The following SOX5 variants were observed in gnomAD, a reference collection of about 807,000 sequenced individuals.
The protein encoded by SOX5 is SRY-box transcription factor 5, also known as transcription factor SOX-5.
SOX5 carries 9 observed loss-of-function variants against 92.0 expected under a neutral mutation model. The ratio of observed to expected loss-of-function variants is 0.10; its 90% confidence interval spans 0.06 to 0.17. The LOEUF is 0.17. Ranked by LOEUF, SOX5 falls within the 10% of genes least tolerant of loss-of-function variation. SOX5 has a pLI of 1.00. For missense variants in SOX5, 642 were observed against 944.5 expected, an observed-to-expected ratio of 0.68 and a Z score of 4.20; for synonymous variants, 344 against 336.3, an observed-to-expected ratio of 1.02 and a Z score of -0.25.
chr12:23,732,666 C>A (rs908226754), intron 6 of SOX5, among the ~76,000 whole-genome samples: 2 of 152,074 alleles, frequency 1.3e-5, no homozygotes, highest in Non-Finnish European at 2.9e-5. Context: ...GGGACTTTTT[C>A]TTTTCCCACT....
At chr12:24,255,874 G>C (rs1325477558) in intron 3 of SOX5, among the ~76,000 whole-genome samples, 2 of 152,154 alleles carry the variant, frequency 1.3e-5, no homozygotes, top group Admixed American at 1.3e-4. Context: ...TTTGAAATGG[G>C]AGTGTTGGAG....
At chr12:23,904,287 A>G (rs1028965405) in intron 1 of SOX5, among the ~76,000 whole-genome samples, 2 of 152,114 alleles carry the variant, frequency 1.3e-5, no homozygotes, top group Admixed American at 6.5e-5. Context: ...TCTGATATAG[A>G]ACATGCCAAT....
At chr12:24,429,964 A>G (rs1248604714) in intron 1 of SOX5, among the ~76,000 whole-genome samples, 1 of 152,180 alleles carries the variant, frequency 6.6e-6, no homozygotes, top group African/African-American at 2.4e-5. Flanking sequence ...TAAAATTTGA[A>G]TTTTTAAAGG....
intron 3 of SOX5, among the ~76,000 whole-genome samples, chr12:23,791,853 T>A (rs941896285): frequency 1.3e-4 from 20 of 151,870 alleles, no homozygotes; most frequent in African/African-American, 4.6e-4. Flanking sequence ...GATACCTATT[T>A]CAAATAAAGT....
At chr12:24,196,919 A>G (rs898946966) in intron 4 of SOX5, among the ~76,000 whole-genome samples, 3 of 152,028 alleles carry the variant, frequency 2.0e-5, no homozygotes, top group African/African-American at 7.2e-5. Context: ...CAAAAAACAA[A>G]AACAAAAACA....
chr12:24,198,444 G>A (rs1475065275), intron 4 of SOX5, among the ~76,000 whole-genome samples: 1 of 152,094 alleles, frequency 6.6e-6, no homozygotes, highest in African/African-American at 2.4e-5. Flanking sequence ...TTGTGGGTAT[G>A]CTTCTATCTA....
At chr12:24,226,528 C>A (rs1030694889) in intron 3 of SOX5, among the ~76,000 whole-genome samples, 1 of 151,988 alleles carries the variant, frequency 6.6e-6, no homozygotes, top group South Asian at 2.1e-4. Flanking sequence ...TGGAGTGCAA[C>A]GGCACGATCT....
At chr12:23,584,440 A>G in intron 9 of SOX5, 1 of 885,584 alleles carries the variant, frequency 1.1e-6, no homozygotes. Flanking sequence ...TCTTTAGATA[A>G]CAACCTGGCA....
chr12:23,727,728 T>C (rs1164577967), intron 6 of SOX5, among the ~76,000 whole-genome samples: 1 of 152,108 alleles, frequency 6.6e-6, no homozygotes, highest in Non-Finnish European at 1.5e-5. Flanking sequence ...AGTTGATAAG[T>C]CAGAAATAGC....
intron 4 of SOX5, among the ~76,000 whole-genome samples, chr12:24,168,647 G>A (rs1013753346): frequency 1.3e-5 from 2 of 152,068 alleles, no homozygotes; most frequent in Non-Finnish European, 2.9e-5. Flanking sequence ...TTCACAGCAG[G>A]CCACTTTAAT....
chr12:23,643,956 T>C (rs961853708), intron 7 of SOX5, among the ~76,000 whole-genome samples: 3 of 152,172 alleles, frequency 2.0e-5, no homozygotes, highest in African/African-American at 7.2e-5. Context: ...CTAAAGCTAC[T>C]GTGCAGACAG....
intron 4 of SOX5, among the ~76,000 whole-genome samples, chr12:23,966,193 ACT>A (rs1239755855): frequency 9.3e-6 from 1 of 107,598 alleles, no homozygotes; most frequent in Non-Finnish European, 1.8e-5. Context: ...TCAGAGGGAC[ACT>A]CAATATCCAA....
At chr12:24,042,295 C>T (rs1215570509) in intron 4 of SOX5, among the ~76,000 whole-genome samples, 1 of 151,912 alleles carries the variant, frequency 6.6e-6, no homozygotes, top group African/African-American at 2.4e-5. Flanking sequence ...CAATATGTAC[C>T]TTTATAGTAT....
intron 3 of SOX5, among the ~76,000 whole-genome samples, chr12:23,771,246 A>G (rs957707080): frequency 2.0e-5 from 3 of 151,858 alleles, no homozygotes; most frequent in African/African-American, 7.2e-5. Context: ...AATTACTAAG[A>G]GAAAAGCTAC....
At chr12:24,070,749 A>G (rs1569532808) in intron 4 of SOX5, among the ~76,000 whole-genome samples, 2 of 152,308 alleles carry the variant, frequency 1.3e-5, no homozygotes, top group South Asian at 4.1e-4. Context: ...CAGTAAAATA[A>G]AAGAATCTTA....
chr12:24,276,960 A>AAAAAG (rs1242866071), intron 3 of SOX5, among the ~76,000 whole-genome samples: 1 of 152,098 alleles, frequency 6.6e-6, no homozygotes. Context: ...TCTCATTAAG[A>AAAAAG]AAAAGAAAAG....
intron 1 of SOX5, among the ~76,000 whole-genome samples, chr12:24,425,072 C>G (rs1197507004): frequency 6.6e-6 from 1 of 152,098 alleles, no homozygotes; most frequent in Admixed American, 6.6e-5. Context: ...GCCATACATG[C>G]TATTACTTCA....
At chr12:24,522,050 A>G (rs1337077885) in intron 1 of SOX5, among the ~76,000 whole-genome samples, 1 of 152,002 alleles carries the variant, frequency 6.6e-6, no homozygotes, top group African/African-American at 2.4e-5. Flanking sequence ...ACACCAAGAA[A>G]AAGAGAGAGA....
chr12:23,987,465 CA>C (rs1156843992), intron 4 of SOX5, among the ~76,000 whole-genome samples: 3 of 152,138 alleles, frequency 2.0e-5, no homozygotes, highest in African/African-American at 7.2e-5. Context: ...AGCAGATAGA[CA>C]GTACAAAGTG....
Sources: allele counts gnomAD v4.1 joint callset (sites outside exome capture counted in the v4.1 genomes callset), GRCh38; gene constraint gnomAD v4.1.1; transcripts MANE v1.5; gene names NCBI Gene and HGNC (gene_info 2026-07-23, HGNC 2026-07-21).